Variants in HERC2 observed in about 807,000 individuals in gnomAD.
HERC2 encodes E3 ubiquitin-protein ligase HERC2.
HERC2 carries 102 observed loss-of-function variants against 537.7 expected under a neutral mutation model. The ratio of observed to expected loss-of-function variants is 0.19; its 90% confidence interval spans 0.16 to 0.22. The LOEUF (loss-of-function observed/expected upper bound fraction) is 0.22, where lower values mean the gene tolerates loss of function less well. Ranked by LOEUF, HERC2 falls within the 10% of genes least tolerant of loss-of-function variation. The pLI, the probability that HERC2 is intolerant of heterozygous loss-of-function variation, is 1.00. For missense variants in HERC2, 4,236 were observed against 6,198.2 expected, an observed-to-expected ratio of 0.68 and a Z score of 10.63; for synonymous variants, 2,224 against 2,466.2, an observed-to-expected ratio of 0.90 and a Z score of 2.91.
Position 28,222,169 on chromosome 15 carries a change from T to G in HERC2, c.5511A>C (p.Gln1837His). Residue 1837 changes from glutamine (Q) to histidine (H), a missense_variant, in exon 36 of 93, where the codon CAA becomes CAC. Gln to His is a conservative substitution (Grantham distance 24). Transcript: ENST00000261609. ...NVEEDMNASA[Q>H]GASATVLEET... ...CTTCCAAAACTGTGGCAGAAGCACC[T>G]TGAGCAGAAGCATTCATATCTTCCT... is the stretch of plus-strand genomic sequence containing the variant. 1.9e-6 allele frequency: 3 copies of G among 1,584,554 alleles called. No individual in the cohort carries two copies. The highest frequency in any genetic ancestry group is 2.6e-6 in the Non-Finnish European group (3 of 1,168,104).
At chr15:28,117,895 A>G (rs561208463) in intron 86 of HERC2, 1 of 291,440 alleles carries the variant, frequency 3.4e-6, no homozygotes, top group African/African-American at 2.2e-5. Flanking sequence ...GAGGCTGTGC[A>G]TCAGAATCAT....
rs563470218 is a variant in HERC2, at chr15:28,270,719, C to G, written c.1233G>C (p.Leu411=). 8 of 1,613,956 alleles carry G rather than the reference C, an allele frequency of 5.0e-6. No homozygotes were observed. The highest frequency in any genetic ancestry group is 6.8e-6 in the Non-Finnish European group (8 of 1,179,864). Residue 411 remains leucine (L), a synonymous_variant, in exon 10 of 93, where the codon CTG becomes CTC. Coordinates refer to ENST00000261609, the MANE Select transcript of HERC2 (RefSeq NM_004667.6). ...CCTTATGAGATGTCGGAGAGCTACA[C>G]AGCGGAGGCATACAGGGCGTAGCCA... ...DRLATPCMPP[L]CSSPTSHKGS... is the part of the protein sequence containing the mutation.
intron 72 of HERC2, 28 bp from the exon 73 acceptor site, chr15:28,144,263 G>T (rs8042892): frequency 6.2e-7 from 1 of 1,607,984 alleles, no homozygotes; most frequent in Admixed American, 1.7e-5. Context: ...AAACATCCCC[G>T]GGTTTCACAA....
At chr15:28,266,311 T>C in intron 12 of HERC2, among the ~76,000 whole-genome samples, 1 of 152,060 alleles carries the variant, frequency 6.6e-6, no homozygotes, top group East Asian at 1.9e-4. Context: ...AGGTCACGAG[T>C]TCGAGACCAG....
At chr15:28,196,654 C>T in intron 50 of HERC2, 85 bp from the exon 51 acceptor site, 2 of 724,796 alleles carry the variant, frequency 2.8e-6, no homozygotes, top group Non-Finnish European at 4.9e-6. Context: ...CCATGTCATA[C>T]TACATTGTAG....
At chr15:28,250,214 C>T (rs1267188693) in intron 20 of HERC2, among the ~76,000 whole-genome samples, 3 of 152,164 alleles carry the variant, frequency 2.0e-5, no homozygotes, top group Non-Finnish European at 4.4e-5. Flanking sequence ...CTACCAGCAG[C>T]ATGAGTAAGG....
intron 4 of HERC2, among the ~76,000 whole-genome samples, chr15:28,286,848 T>C (rs557823453): frequency 3.9e-4 from 59 of 152,162 alleles, no homozygotes; most frequent in African/African-American, 1.3e-3. Context: ...CACTGTGAAA[T>C]GTGCACTTCT....
intron 38 of HERC2, among the ~76,000 whole-genome samples, chr15:28,217,636 T>A (rs1245184912): frequency 1.3e-5 from 2 of 152,218 alleles, no homozygotes; most frequent in African/African-American, 4.8e-5. Flanking sequence ...CAACTTCACA[T>A]ACATTCGGAA....
intron 10 of HERC2, 45 bp from the exon 11 acceptor site, chr15:28,269,481 T>C: frequency 6.8e-7 from 1 of 1,468,268 alleles, no homozygotes; most frequent in Non-Finnish European, 9.4e-7. Flanking sequence ...ACAACAACAA[T>C]AAAAAAAGGC....
rs768442206 is a variant in HERC2, at chr15:28,275,031, C to A, written c.543-26G>T. ...CTGCAGACGACACACACGGAACATA[C>A]AACCAGTCAGCAGCAGAGGGTGCAG... On this transcript the variant is annotated intron_variant, in intron 5 of 92. Coordinates refer to ENST00000261609, the MANE Select transcript of HERC2 (RefSeq NM_004667.6). 6.0e-6 allele frequency: 9 copies of A among 1,488,148 alleles called. No individual in the cohort carries two copies. In the Admixed American group the frequency reaches 6.7e-5, roughly 11 times the overall value. The allele number at this position is 1,488,148 out of a possible 1,614,324, so 92.2% of individuals were successfully genotyped here. A position where few individuals can be genotyped will look rare whatever the true frequency, so the allele number is the denominator to read the frequency against.
rs1183215085 is a variant in HERC2 at position 28,265,072 on chromosome 15, A to G, written c.1870+546T>C. 1.3e-5 allele frequency among the ~76,000 whole-genome samples: 2 copies of G among 152,172 alleles called. No individual in the cohort carries two copies. Among genetic ancestry groups the G allele is most frequent in the Non-Finnish European group, 2.9e-5 (2 of 68,036 alleles). ...CTGATTATAACGGAAAGACTCCACAACGCCAGAGACACACAAGATGCCAAG... is the reference window on the plus strand; with the variant it reads ...CTGATTATAACGGAAAGACTCCACAGCGCCAGAGACACACAAGATGCCAAG... On this transcript the variant is annotated intron_variant, in intron 14 of 92. Transcript: ENST00000261609. This position sits in a 1 kb window ranked among gnomAD's most constrained non-coding sequence, Gnocchi z 4.0.
intron 23 of HERC2, among the ~76,000 whole-genome samples, chr15:28,244,434 G>A (rs145556849): frequency 1.5e-3 from 232 of 152,254 alleles, no homozygotes; most frequent in Middle Eastern, 0.014. Flanking sequence ...AAGTAAGGTG[G>A]CGATGACCAC....
At chr15:28,290,821 A>G (rs2076290059) in intron 4 of HERC2, among the ~76,000 whole-genome samples, 1 of 152,238 alleles carries the variant, frequency 6.6e-6, no homozygotes, top group South Asian at 2.1e-4. Flanking sequence ...CAATGCTTAG[A>G]GGGAAATTTA....
At position 28,274,367 on chromosome 15, in the gene HERC2, C is replaced by G; in HGVS notation, c.724G>C (p.Asp242His). The G allele has an allele frequency of 1.9e-6, 3 of 1,614,168 alleles. No homozygotes were observed. The highest frequency in any genetic ancestry group is 2.5e-6 in the Non-Finnish European group (3 of 1,180,000). ...LRALPEASLFDESTVSSVWLE... is the reference protein window; with the variant it reads ...LRALPEASLFHESTVSSVWLE... ...CACACAGAGGACACGGTGCTCTCGT[C>G]AAAGAGCGAGGCCTCGGGAAGTGCT... Residue 242 changes from aspartate to histidine, a missense_variant, in exon 7 of 93, where the codon GAC (aspartate) becomes CAC (histidine). Asp to His is a moderately conservative substitution (Grantham distance 81). Transcript: ENST00000261609.
intron 16 of HERC2, among the ~76,000 whole-genome samples, chr15:28,258,005 A>G (rs890723733): frequency 6.6e-6 from 1 of 152,156 alleles, no homozygotes; most frequent in Non-Finnish European, 1.5e-5. Flanking sequence ...TTTTAAGCAC[A>G]TACAGAATGT....
chr15:28,155,910 T>G (rs999585300), intron 69 of HERC2, among the ~76,000 whole-genome samples: 3 of 152,198 alleles, frequency 2.0e-5, no homozygotes, highest in Non-Finnish European at 4.4e-5. Flanking sequence ...AACATTTAAG[T>G]CTTTAACCCA....
intron 89 of HERC2, chr15:28,115,215 T>C (rs1370788835): frequency 9.5e-6 from 5 of 527,280 alleles, no homozygotes; most frequent in Admixed American, 6.8e-5. Context: ...AGCTTCCTTA[T>C]CTGACAAGAC....
At chr15:28,252,447 A>T (rs1304916489) in intron 20 of HERC2, among the ~76,000 whole-genome samples, 1 of 152,194 alleles carries the variant, frequency 6.6e-6, no homozygotes, top group East Asian at 1.9e-4. Flanking sequence ...AAGAACTTAG[A>T]AAAGCACCTC....
intron 12 of HERC2, among the ~76,000 whole-genome samples, chr15:28,267,191 A>ACC (rs1567093236): frequency 6.6e-6 from 1 of 152,156 alleles, no homozygotes; most frequent in African/African-American, 2.4e-5. Context: ...CAAAATACAC[A>ACC]CAGTGGCACA....
Sources: gnomAD v4.1 joint callset for allele counts (sites outside exome capture counted in the v4.1 genomes callset) on GRCh38, gnomAD v4.1.1 for gene constraint, Gnocchi (gnomAD v3.1) non-coding constraint, MANE v1.5 for transcripts, NCBI Gene and HGNC (gene_info 2026-07-23, HGNC 2026-07-21) for gene names.